VNN2: variants seen among roughly 807,000 people sequenced by gnomAD.
VNN2 encodes the protein pantetheine hydrolase VNN2.
Under a neutral mutation model 43.0 loss-of-function variants are expected in VNN2, and 43 were observed. That is an observed-to-expected ratio of 1.00 (90% confidence interval 0.78 to 1.29). The LOEUF (loss-of-function observed/expected upper bound fraction) is 1.29, where lower values mean the gene tolerates loss of function less well. VNN2 is among the 50% of genes most tolerant of loss of function. The pLI, the probability that VNN2 is intolerant of heterozygous loss-of-function variation, is 0.00. For missense variants in VNN2, 652 were observed against 619.7 expected (o/e 1.05, Z -0.55); for synonymous variants, 230 against 224.3 (o/e 1.03, Z -0.23).
upstream of VNN2, among the ~76,000 whole-genome samples, chr6:132,761,803 C>T (rs1009062355): frequency 2.0e-5 from 3 of 152,054 alleles, no homozygotes; most frequent in Admixed American, 6.5e-5. Context: ...TTTTTTCCCA[C>T]TTTCTCAAGA....
In VNN2 at chr6:132,752,368, C is replaced by T; in HGVS notation, c.826+93G>A. On this transcript the variant is annotated intron_variant, in intron 4 of 6. Coordinates refer to ENST00000326499, the MANE Select transcript of VNN2 (RefSeq NM_004665.6). ...CTATGACAAACACAGTAAGAATTTC[C>T]AATAAGCAAAAAATTAATACAAGTC... is the stretch of plus-strand genomic sequence containing the variant. 6.9e-6 allele frequency: 10 copies of T among 1,442,344 alleles called. No homozygotes were observed. In the South Asian group the frequency reaches 1.3e-4, roughly 19 times the overall value. 89.3% of individuals were successfully genotyped at this position (1,442,344 alleles called of 1,614,324 possible).
intron 6 of VNN2, among the ~76,000 whole-genome samples, chr6:132,748,513 T>C (rs1027517980): frequency 3.5e-4 from 53 of 152,338 alleles, no homozygotes; most frequent in African/African-American, 1.3e-3. Flanking sequence ...AAAGACTTCC[T>C]TACTTGATGC....
chr6:132,747,863 A>T (rs1321282734), intron 6 of VNN2, among the ~76,000 whole-genome samples: 1 of 152,178 alleles, frequency 6.6e-6, no homozygotes, highest in Non-Finnish European at 1.5e-5. Context: ...TGTGGTTCAG[A>T]GTAAGAGTGA....
intron 3 of VNN2, chr6:132,753,030 A>C: frequency 9.1e-6 from 3 of 328,748 alleles, no homozygotes; most frequent in Non-Finnish European, 1.1e-5. Flanking sequence ...AAAGTCCGTA[A>C]GCTTTTTTTA....
intron 1 of VNN2, 34 bp downstream of exon 1, chr6:132,757,637 G>C (rs762286561): frequency 1.2e-6 from 2 of 1,610,612 alleles, no homozygotes; most frequent in Non-Finnish European, 1.7e-6. Flanking sequence ...CATGCCCCTC[G>C]TGTACATTAT....
At chr6:132,758,000 T>TTTCTTCTTC (rs60545394), upstream of VNN2, 16,211 of 338,984 alleles carry the variant, frequency 0.048, 1,202 homozygotes, top group Non-Finnish European at 0.059. Flanking sequence ...TATCATCATT[T>TTTCTTCTTC]TTCTTCTTCT....
intron 2 of VNN2, 80 bp downstream of exon 2, chr6:132,757,336 A>T: frequency 6.7e-7 from 1 of 1,493,348 alleles, no homozygotes; most frequent in Non-Finnish European, 9.0e-7. Flanking sequence ...ATGGTAATTC[A>T]AGAGCAATCA....
chr6:132,762,406 A>C (rs879938145), upstream of VNN2, among the ~76,000 whole-genome samples: 3 of 152,254 alleles, frequency 2.0e-5, no homozygotes, highest in Admixed American at 6.5e-5. Flanking sequence ...ATAGGCAGAA[A>C]AGCCAGGCTC....
Position 132,756,069 on chromosome 6 carries a change from T to G in VNN2, c.345-34A>C, listed in dbSNP as rs767926292. ...AATTATAATTAAGAAATTTCAATTT[T>G]AAAAAAATATTTTAGTCACTTTATA... On this transcript the variant is annotated intron_variant, in intron 2 of 6. Transcript: ENST00000326499. 4 of 1,493,752 alleles carry G rather than the reference T, an allele frequency of 2.7e-6. No homozygotes were observed. In the South Asian group the frequency reaches 5.3e-5, roughly 20 times the overall value. 92.5% of individuals were successfully genotyped at this position (1,493,752 alleles called of 1,614,324 possible). A position where few individuals can be genotyped will look rare whatever the true frequency, so the allele number is the denominator to read the frequency against.
chr6:132,750,223 A>G (rs954806103), intron 5 of VNN2, among the ~76,000 whole-genome samples: 4 of 152,076 alleles, frequency 2.6e-5, no homozygotes, highest in Non-Finnish European at 5.9e-5. Context: ...CCACCCTTTA[A>G]TCTCACCTCT....
At chr6:132,757,327 T>C (rs1780534066) in intron 2 of VNN2, 89 bp downstream of exon 2, 12 of 1,466,122 alleles carry the variant, frequency 8.2e-6, no homozygotes, top group Non-Finnish European at 1.0e-5. Context: ...ACCACATATA[T>C]GGTAATTCAA....
At chr6:132,751,960 C>T (rs1780134938) in intron 4 of VNN2, among the ~76,000 whole-genome samples, 2 of 152,164 alleles carry the variant, frequency 1.3e-5, no homozygotes, top group African/African-American at 2.4e-5. Context: ...TGACTCACTT[C>T]CAATGAATAG....
At chr6:132,761,190 A>T (rs1053524233), upstream of VNN2, among the ~76,000 whole-genome samples, 1 of 152,198 alleles carries the variant, frequency 6.6e-6, no homozygotes, top group Non-Finnish European at 1.5e-5. Context: ...AGTTTAACTG[A>T]ATTATAAAAT....
rs1188724218 is a variant in VNN2 at position 132,751,252 on chromosome 6, G to C, written c.1093C>G (p.Leu365Val). ...ATTCTGTAGCTTAAATGACAGCAAA[G>C]CTCCTTTTGACAGACTGTAAGGTTT... ...AGNLTVCQKE[L>V]CCHLSYRMLQ... Residue 365 changes from leucine to valine, a missense_variant, in exon 5 of 7, where the codon CTT becomes GTT. Physicochemically the swap from Leu to Val is conservative, Grantham distance 32 (BLOSUM62 1). Coordinates refer to ENST00000326499, the MANE Select transcript of VNN2 (RefSeq NM_004665.6). The C allele has an allele frequency of 1.2e-6, 2 of 1,613,998 alleles. No homozygotes were observed. The highest frequency in any genetic ancestry group is 2.7e-5 in the African/African-American group (2 of 74,898).
Position 132,751,532 on chromosome 6 carries a change from AC to A in VNN2, c.827-15del. On this transcript the variant is annotated splice_polypyrimidine_tract_variant and intron_variant, in intron 4 of 6. Coordinates refer to ENST00000326499, the MANE Select transcript of VNN2 (RefSeq NM_004665.6). ...AAATACCACTTCCTGTGAATGAAAG[AC>A]AAGTCTTCTAAAAACAACACCACAC... is the stretch of plus-strand genomic sequence containing the variant. The A allele has an allele frequency of 6.3e-7, 1 of 1,588,646 alleles. No individual in the cohort carries two copies. Among genetic ancestry groups the A allele is most frequent in the South Asian group, 1.1e-5 (1 of 87,454 alleles).
At chr6:132,756,989 G>T (rs1028479537) in intron 2 of VNN2, among the ~76,000 whole-genome samples, 2 of 152,132 alleles carry the variant, frequency 1.3e-5, no homozygotes, top group Non-Finnish European at 2.9e-5. Flanking sequence ...AAAGCATAAG[G>T]TCTTATGATT....
upstream of VNN2, among the ~76,000 whole-genome samples, chr6:132,759,468 TAAC>T (rs1187345424): frequency 4.8e-5 from 6 of 126,062 alleles, no homozygotes; most frequent in Non-Finnish European, 8.4e-5. Flanking sequence ...AAAACAATAA[TAAC>T]AACAAATACA....
intron 5 of VNN2, among the ~76,000 whole-genome samples, chr6:132,750,156 C>T (rs887950309): frequency 6.6e-6 from 1 of 152,090 alleles, no homozygotes; most frequent in Non-Finnish European, 1.5e-5. Context: ...AAGTGGAGAT[C>T]TTTGGGCAAC....
At position 132,749,680 on chromosome 6, in the gene VNN2, T is replaced by C. The variant is rs144797234; in HGVS notation, c.1371+15A>G. ...AACATATAAAATGAAAATACTCTTA[T>C]AAAAGTCCTCTTACCTCAAATTTTC... On this transcript the variant is annotated intron_variant, in intron 6 of 6. Transcript: ENST00000326499. 1.0e-4 allele frequency: 165 copies of C among 1,605,618 alleles called. 3 individuals are homozygous for C. In the African/African-American group the frequency reaches 1.9e-3, roughly 18 times the overall value.
Sources: gnomAD v4.1 joint callset for allele counts (sites outside exome capture counted in the v4.1 genomes callset) on GRCh38, gnomAD v4.1.1 for gene constraint, MANE v1.5 for transcripts, NCBI Gene and HGNC (gene_info 2026-07-23, HGNC 2026-07-21) for gene names.